The following TESC variants were observed in gnomAD, a reference collection of about 807,000 sequenced individuals.
TESC encodes calcineurin B homologous protein 3.
TESC carries 19 observed loss-of-function variants against 31.0 expected under a neutral mutation model. That is an observed-to-expected ratio of 0.61 (90% CI 0.43 to 0.90). The LOEUF (loss-of-function observed/expected upper bound fraction) is 0.90. TESC is among the 40% of genes least tolerant of loss of function. The probability of loss-of-function intolerance (pLI) is 0.00; values close to 1 mark genes in which losing one functional copy is unlikely to be tolerated. For synonymous variants in TESC, 109 were observed against 114.8 expected (o/e 0.95, Z 0.32); for missense variants, 248 against 303.8 (o/e 0.82, Z 1.36).
At chr12:117,045,233 A>G (rs1343794190) in intron 6 of TESC, among the ~76,000 whole-genome samples, 1 of 152,216 alleles carries the variant, frequency 6.6e-6, no homozygotes, top group Admixed American at 6.5e-5. Context: ...CCCCCACCTC[A>G]TGGGGGCCCG....
At chr12:117,099,195 G>C (rs1390971451) in intron 1 of TESC, 30 bp downstream of exon 1, 1 of 1,476,864 alleles carries the variant, frequency 6.8e-7, no homozygotes, top group Admixed American at 2.3e-5. Flanking sequence ...TCCCGCCCCG[G>C]TCCCCGCGCC....
At chr12:117,085,416 G>A (rs752346422) in intron 1 of TESC, among the ~76,000 whole-genome samples, 4 of 152,116 alleles carry the variant, frequency 2.6e-5, no homozygotes, top group African/African-American at 4.8e-5. Context: ...GGTGAGGGTC[G>A]GGAAGGCAGA....
intron 6 of TESC, 74 bp downstream of exon 6, chr12:117,046,485 T>C: frequency 7.1e-7 from 1 of 1,414,716 alleles, no homozygotes. Context: ...CCCTGCCCCA[T>C]GAGGCCTTCC....
intron 6 of TESC, among the ~76,000 whole-genome samples, chr12:117,044,485 G>T (rs776061890): frequency 6.6e-6 from 1 of 152,184 alleles, no homozygotes; most frequent in Non-Finnish European, 1.5e-5. Context: ...GGCTGGAAAG[G>T]GGGTGATCGG....
intron 3 of TESC, among the ~76,000 whole-genome samples, chr12:117,050,800 C>T (rs1038631865): frequency 6.6e-6 from 1 of 152,170 alleles, no homozygotes; most frequent in African/African-American, 2.4e-5. Flanking sequence ...TGGTGTGCAC[C>T]TGTAGTCCCA....
intron 2 of TESC, among the ~76,000 whole-genome samples, chr12:117,075,031 A>C (rs1178167578): frequency 6.6e-6 from 1 of 152,214 alleles, no homozygotes. Flanking sequence ...CAGTAGTCCC[A>C]GCTACTCGGG....
chr12:117,091,387 G>A (rs1309471435), intron 1 of TESC, among the ~76,000 whole-genome samples: 2 of 152,294 alleles, frequency 1.3e-5, no homozygotes, highest in East Asian at 3.9e-4. Context: ...CAACACCCAG[G>A]TTATTCTGTT....
At chr12:117,071,156 G>T (rs938305218) in intron 2 of TESC, among the ~76,000 whole-genome samples, 7 of 152,196 alleles carry the variant, frequency 4.6e-5, no homozygotes, top group African/African-American at 1.7e-4. Flanking sequence ...CGTAGGCCAC[G>T]CTTCCTGCGC....
chr12:117,039,104 T>C lies in TESC; in HGVS notation c.*29A>G, dbSNP rs765673071. 7 of 1,611,486 alleles carry C rather than the reference T, an allele frequency of 4.3e-6. No homozygotes were observed. The African/African-American group carries it at 9.3e-5, about 22-fold the overall frequency. On this transcript the variant is annotated 3_prime_UTR_variant, in exon 8 of 8. Coordinates refer to ENST00000335209, the MANE Select transcript of TESC (RefSeq NM_017899.4). The stretch of plus-strand genomic sequence containing the variant: ...GCGGGGAGGCGGCCCCATTGCAAAG[T>C]GCAGTTTCTCCGCGGAGGTGGCGGT...
intron 7 of TESC, among the ~76,000 whole-genome samples, chr12:117,041,186 G>A (rs952902104): frequency 6.6e-6 from 1 of 152,248 alleles, no homozygotes; most frequent in Admixed American, 6.5e-5. Flanking sequence ...GGAGGGCAGA[G>A]TGGGCGGCCG....
At chr12:117,045,251 C>T (rs780542640) in intron 6 of TESC, among the ~76,000 whole-genome samples, 11 of 152,246 alleles carry the variant, frequency 7.2e-5, no homozygotes, top group Non-Finnish European at 1.5e-4. Flanking sequence ...CCGTAGGCAG[C>T]GGGTACGCCC....
intron 2 of TESC, among the ~76,000 whole-genome samples, chr12:117,059,970 ATG>A (rs1286835506): frequency 6.6e-6 from 1 of 152,146 alleles, no homozygotes; most frequent in Non-Finnish European, 1.5e-5. Context: ...CCAGACACAA[ATG>A]GTGTACGATG....
chr12:117,047,382 A>G, intron 4 of TESC, among the ~76,000 whole-genome samples: 1 of 149,590 alleles, frequency 6.7e-6, no homozygotes, highest in South Asian at 2.1e-4. Context: ...CGGCCTTGGG[A>G]GCTGGAGCTC....
chr12:117,072,401 C>T (rs549871648), intron 2 of TESC, among the ~76,000 whole-genome samples: 2 of 152,234 alleles, frequency 1.3e-5, no homozygotes, highest in South Asian at 4.1e-4. Flanking sequence ...ATTTTTAATG[C>T]TCAAATCAAA....
intron 1 of TESC, among the ~76,000 whole-genome samples, chr12:117,081,646 T>G (rs1955149330): frequency 6.6e-6 from 1 of 151,240 alleles, no homozygotes; most frequent in Non-Finnish European, 1.5e-5. Context: ...GCTCACTCCT[T>G]TAATCCCAGC....
rs1194137750 is a variant in TESC, at chr12:117,089,196, C to T, written c.58+10029G>A. Among the ~76,000 whole-genome samples the T allele has an allele frequency of 2.6e-5, 4 of 152,280 alleles. No homozygotes were observed. In the East Asian group the frequency reaches 7.7e-4, roughly 29 times the overall value. ...ACTGAGCCACACACTGGTGAAAAAT[C>T]CAAGTCTCTGTGGGGCAGGAGACCC... On this transcript the variant is annotated intron_variant, in intron 1 of 7. Coordinates refer to ENST00000335209, the MANE Select transcript of TESC (RefSeq NM_017899.4).
chr12:117,072,800 C>A (rs1200212238), intron 2 of TESC, among the ~76,000 whole-genome samples: 1 of 152,186 alleles, frequency 6.6e-6, no homozygotes, highest in African/African-American at 2.4e-5. Context: ...TTTTAAGAGA[C>A]AGGGTCTTGC....
chr12:117,070,165 T>A (rs762482808), intron 2 of TESC, among the ~76,000 whole-genome samples: 20 of 152,164 alleles, frequency 1.3e-4, no homozygotes, highest in Non-Finnish European at 1.9e-4. Flanking sequence ...TCTGAGAGGT[T>A]GAAGACCGGG....
chr12:117,045,773 A>G (rs983010014), intron 6 of TESC, among the ~76,000 whole-genome samples: 100 of 152,322 alleles, frequency 6.6e-4, no homozygotes, highest in African/African-American at 2.2e-3. Context: ...TTAGACACAC[A>G]GGGGCAAAGG....
Sources: allele counts gnomAD v4.1 joint callset (sites outside exome capture counted in the v4.1 genomes callset), GRCh38; gene constraint gnomAD v4.1.1; transcripts MANE v1.5; gene names NCBI Gene and HGNC (gene_info 2026-07-23, HGNC 2026-07-21).